Variants in WDR89 observed in about 807,000 individuals in gnomAD.
The protein encoded by WDR89 is WD repeat domain 89, also known as WD repeat-containing protein 89.
Under a neutral mutation model 29.1 loss-of-function variants are expected in WDR89, and 17 were observed. The observed-to-expected ratio is 0.58, with a 90% confidence interval of 0.40 to 0.88. The LOEUF is 0.88. WDR89 is among the 40% of genes least tolerant of loss of function. WDR89 has a pLI of 0.00. For missense variants in WDR89, 396 were observed against 456.3 expected, an observed-to-expected ratio of 0.87 and a Z score of 1.20; for synonymous variants, 138 against 157.8, an observed-to-expected ratio of 0.87 and a Z score of 0.94.
At chr14:63,626,425 C>T (rs562854238) in intron 1 of WDR89, among the ~76,000 whole-genome samples, 4 of 151,860 alleles carry the variant, frequency 2.6e-5, no homozygotes, top group Non-Finnish European at 5.9e-5. Flanking sequence ...AATCCCAGCG[C>T]TTTGGGAGGC....
rs764619523 is a variant in WDR89 at position 63,599,476 on chromosome 14, G to T, written c.467C>A (p.Ser156Tyr). 6.2e-7 allele frequency: 1 copy of T among 1,614,036 alleles called. No individual in the cohort carries two copies. Among genetic ancestry groups the T allele is most frequent in the African/African-American group, 1.3e-5 (1 of 74,922 alleles). Reference protein sequence around the residue: ...WDARMNSQNLSTTKDSLGAYS... With the variant: ...WDARMNSQNLYTTKDSLGAYS... ...TGCACCAAGTGAGTCTTTAGTTGTA[G>T]ATAAATTCTGAGAATTCATCCTTGC... The change falls in exon 3 of 3, where the codon TCT becomes TAT. Residue 156 changes from serine to tyrosine, a missense_variant. Coordinates refer to ENST00000620954, the MANE Select transcript of WDR89 (RefSeq NM_080666.4).
chr14:63,604,394 C>A (rs969780989), intron 2 of WDR89, among the ~76,000 whole-genome samples: 2 of 152,066 alleles, frequency 1.3e-5, no homozygotes, highest in Non-Finnish European at 2.9e-5. Context: ...GCCAGGACAA[C>A]AGGGCAAGAC....
chr14:63,597,893 G>GC lies in WDR89; in HGVS notation c.*885dup, dbSNP rs1411014451. 2.6e-5 allele frequency: 4 copies of GC among 152,188 alleles called. No homozygotes were observed. The highest frequency in any genetic ancestry group is 9.7e-5 in the African/African-American group (4 of 41,432). The allele number at this position is 152,188 out of a possible 1,614,324, so 9.4% of individuals were successfully genotyped here. On this transcript the variant is annotated 3_prime_UTR_variant, in exon 3 of 3. Transcript: ENST00000620954. ...TGAACTGAAGCAGATTAGAGATCGA[G>GC]CTGGTAATCCAGATGAGAAATAATG...
chr14:63,626,551 C>T (rs780562218), intron 1 of WDR89, among the ~76,000 whole-genome samples: 5 of 151,174 alleles, frequency 3.3e-5, no homozygotes, highest in Non-Finnish European at 7.4e-5. Flanking sequence ...GTGGTGCACG[C>T]CTGTAATCCC....
At chr14:63,619,708 A>C (rs1372978708) in intron 2 of WDR89, among the ~76,000 whole-genome samples, 1 of 152,132 alleles carries the variant, frequency 6.6e-6, no homozygotes, top group African/African-American at 2.4e-5. Context: ...AAGGTTCCTA[A>C]AAAAATTAAA....
chr14:63,641,383 C>T (rs889199422), intron 1 of WDR89: 5 of 152,234 alleles, frequency 3.3e-5, no homozygotes, highest in African/African-American at 1.2e-4. Flanking sequence ...GTCGTCTCTT[C>T]CCAAGTGAAA....
chr14:63,637,218 C>A (rs1883791377), intron 1 of WDR89, among the ~76,000 whole-genome samples: 1 of 152,144 alleles, frequency 6.6e-6, no homozygotes, highest in Non-Finnish European at 1.5e-5. Flanking sequence ...TGTGATACCA[C>A]CACACTCCTG....
intron 1 of WDR89, among the ~76,000 whole-genome samples, chr14:63,640,085 T>C (rs955007744): frequency 1.3e-5 from 2 of 152,210 alleles, no homozygotes; most frequent in African/African-American, 2.4e-5. Flanking sequence ...GTAAGTAACA[T>C]AGCTGCATTC....
At chr14:63,637,098 T>G (rs1198897292) in intron 1 of WDR89, among the ~76,000 whole-genome samples, 2 of 151,576 alleles carry the variant, frequency 1.3e-5, no homozygotes, top group African/African-American at 4.9e-5. Context: ...CAATGTGGGC[T>G]AAGGACATGA....
At chr14:63,620,111 C>G (rs1882598607) in intron 2 of WDR89, among the ~76,000 whole-genome samples, 1 of 151,312 alleles carries the variant, frequency 6.6e-6, no homozygotes, top group Non-Finnish European at 1.5e-5. Flanking sequence ...GATATAGAAT[C>G]AATCTAAGTG....
chr14:63,627,166 T>A (rs879349213), intron 1 of WDR89, among the ~76,000 whole-genome samples: 20 of 146,100 alleles, frequency 1.4e-4, no homozygotes, highest in Non-Finnish European at 2.2e-4. Context: ...TCTCTCTCTC[T>A]CTCTCTCTCT....
intron 1 of WDR89, among the ~76,000 whole-genome samples, chr14:63,627,106 A>G (rs1295933963): frequency 6.7e-6 from 1 of 149,574 alleles, no homozygotes; most frequent in Non-Finnish European, 1.5e-5. Flanking sequence ...AGGTGACAGA[A>G]TAAGACTTTG....
intron 2 of WDR89, among the ~76,000 whole-genome samples, chr14:63,604,045 CAGAG>C (rs749991338): frequency 6.6e-6 from 1 of 152,186 alleles, no homozygotes; most frequent in African/African-American, 2.4e-5. Flanking sequence ...GTCACCTGCC[CAGAG>C]AGAGTCTCTC....
chr14:63,608,437 T>C (rs1332094676), intron 2 of WDR89, among the ~76,000 whole-genome samples: 1 of 152,110 alleles, frequency 6.6e-6, no homozygotes, highest in Non-Finnish European at 1.5e-5. Context: ...TTTCTGTATG[T>C]TTTAATAATG....
At chr14:63,612,679 T>C (rs1465277623) in intron 2 of WDR89, among the ~76,000 whole-genome samples, 2 of 152,122 alleles carry the variant, frequency 1.3e-5, no homozygotes, top group African/African-American at 2.4e-5. Flanking sequence ...AGAGCCACCA[T>C]GCCTAGCCAA....
intron 2 of WDR89, among the ~76,000 whole-genome samples, chr14:63,620,897 C>CAAAAAAAAAAAAAAAA (rs539451063): frequency 1.2e-5 from 1 of 82,956 alleles, no homozygotes; most frequent in African/African-American, 5.3e-5. Flanking sequence ...GACTCCATCT[C>CAAAAAAAAAAAAAAAA]AAAAAAAAAA....
chr14:63,613,339 C>T (rs757205897), intron 2 of WDR89, among the ~76,000 whole-genome samples: 4 of 152,080 alleles, frequency 2.6e-5, no homozygotes, highest in Non-Finnish European at 5.9e-5. Context: ...ACCCAAAAAA[C>T]TCCAAAACAC....
At chr14:63,615,063 T>C (rs1882222256) in intron 2 of WDR89, among the ~76,000 whole-genome samples, 1 of 152,200 alleles carries the variant, frequency 6.6e-6, no homozygotes, top group Non-Finnish European at 1.5e-5. Flanking sequence ...TGGGAGGAAA[T>C]GACACATACT....
chr14:63,627,150 ACTCT>A (rs35230660), intron 1 of WDR89, among the ~76,000 whole-genome samples: 5,376 of 127,152 alleles, frequency 0.042, 137 homozygotes, highest in Middle Eastern at 0.11. Flanking sequence ...ACACACACAC[ACTCT>A]CTCTCTCTCT....
Sources: gnomAD v4.1 joint callset for allele counts (sites outside exome capture counted in the v4.1 genomes callset) on GRCh38, gnomAD v4.1.1 for gene constraint, MANE v1.5 for transcripts, NCBI Gene and HGNC (gene_info 2026-07-23, HGNC 2026-07-21) for gene names.